The following FURIN variants were observed in gnomAD, a reference collection of about 807,000 sequenced individuals.
FURIN encodes the protein furin, paired basic amino acid cleaving enzyme.
A neutral mutation model predicts 89.2 loss-of-function variants in FURIN; 18 were observed. The ratio of observed to expected loss-of-function variants is 0.20; its 90% CI spans 0.14 to 0.30. The LOEUF is 0.30. Among genes scored for constraint, FURIN ranks in the 10% least tolerant of loss-of-function variants. FURIN has a pLI of 1.00. For synonymous variants in FURIN, 508 were observed against 466.4 expected, an observed-to-expected ratio of 1.09 and a Z score of -1.15; for missense variants, 879 against 1,100.5, an observed-to-expected ratio of 0.80 and a Z score of 2.85.
rs145582614 is a variant in FURIN at position 90,881,363 on chromosome 15, G to A, written c.1870G>A (p.Asp624Asn). The A allele has an allele frequency of 1.1e-4, 172 of 1,613,006 alleles. 1 individual carries two copies. In the African/African-American group the frequency reaches 2.0e-3, roughly 19 times the overall value. ...CPPGFAPQVL[D>N]THYSTENDVE... The stretch of plus-strand genomic sequence containing the variant: ...TCCAGGGTTCGCCCCCCAAGTCCTC[G>A]ATACGCACTATAGCACCGAGAATGA... Residue 624 changes from aspartate (D) to asparagine (N), a missense_variant, in exon 16 of 16, where the codon GAT becomes AAT. Coordinates refer to ENST00000268171, the MANE Select transcript of FURIN (RefSeq NM_002569.4). The surrounding 1 kb of genome is among the most constrained non-coding windows in gnomAD (Gnocchi z 4.3).
At chr15:90,877,742 A>G (rs1392746735) in intron 7 of FURIN, 127 bp downstream of exon 7, 4 of 706,690 alleles carry the variant, frequency 5.7e-6, no homozygotes, top group South Asian at 1.9e-5. Context: ...TGGCTGTTCC[A>G]TGGAGGGTTC....
chr15:90,883,138 T>C lies in FURIN; in HGVS notation c.*1260T>C, dbSNP rs953044393. 3.3e-5 allele frequency: 5 copies of C among 152,696 alleles called. No homozygotes were observed. The highest frequency in any genetic ancestry group is 1.2e-4 in the African/African-American group (5 of 41,440). 9.5% of individuals were successfully genotyped at this position (152,696 alleles called of 1,614,324 possible). ...TGGTGGAGAAAGCACTGACCTGTCA[T>C]GCCCCCCTCAAACCTCCTCTTCTGA... On this transcript the variant is annotated 3_prime_UTR_variant, in exon 16 of 16. Transcript: ENST00000268171.
chr15:90,878,718 C>T, intron 8 of FURIN, 46 bp from the exon 9 acceptor site: 3 of 1,176,884 alleles, frequency 2.5e-6, no homozygotes, highest in Non-Finnish European at 3.8e-6. Flanking sequence ...TGCCAGCCCT[C>T]CCTCAAGTCC....
chr15:90,880,977 G>A lies in FURIN; in HGVS notation c.1729G>A (p.Gly577Arg). The A allele has an allele frequency of 6.2e-7, 1 of 1,614,138 alleles. No individual in the cohort carries two copies. Among genetic ancestry groups the A allele is most frequent in the Non-Finnish European group, 8.5e-7 (1 of 1,180,002 alleles). Residue 577 changes from glycine (G) to arginine (R), a missense_variant, in exon 15 of 16, where the codon GGG becomes AGG. By Grantham distance (125) the Gly-to-Arg change is moderately radical. Around this residue, in one of 5 missense-constraint regions of FURIN, gnomAD observed 457 missense variants for 490.7 expected, o/e 0.93. Transcript: ENST00000268171. ...TLVLYGTAPEGLPVPPESSGC... is the reference protein window; with the variant it reads ...TLVLYGTAPERLPVPPESSGC... Reference sequence around the variant, plus strand: ...CGTACTCTATGGCACCGCCCCTGAGGGGCTGCCCGTACCTCCAGAAAGCAG... The same window carrying A: ...CGTACTCTATGGCACCGCCCCTGAGAGGCTGCCCGTACCTCCAGAAAGCAG...
Position 90,881,576 on chromosome 15 carries a change from C to T in FURIN, c.2083C>T (p.Pro695Ser), listed in dbSNP as rs1453220965. 4 of 1,610,784 alleles carry T rather than the reference C, an allele frequency of 2.5e-6. No homozygotes were observed. Among genetic ancestry groups the T allele is most frequent in the Non-Finnish European group, 3.4e-6 (4 of 1,178,420 alleles). The change falls in exon 16 of 16, where the codon CCC becomes TCC. Residue 695 changes from proline (P) to serine (S), a missense_variant. Physicochemically the swap from Pro to Ser is moderately conservative, Grantham distance 74. Transcript: ENST00000268171. This position sits in a 1 kb window ranked among gnomAD's most constrained non-coding sequence, Gnocchi z 4.3. ...GCCACAGCAGCAGCCACCTCGGCTG[C>T]CCCCGGAGGTGGAGGCGGGGCAACG... ...SPPQQQPPRLPPEVEAGQRLR... is the reference protein window; with the variant it reads ...SPPQQQPPRLSPEVEAGQRLR...
chr15:90,880,166 G>C lies in FURIN; in HGVS notation c.1449G>C (p.Arg483=), dbSNP rs769043747. 4.3e-6 allele frequency: 7 copies of C among 1,612,514 alleles called. No homozygotes were observed. In the South Asian group the frequency reaches 7.7e-5, roughly 18 times the overall value. The change falls in exon 13 of 16, where the codon CGG becomes CGC. Residue 483 remains arginine (R), a synonymous_variant. Coordinates refer to ENST00000268171, the MANE Select transcript of FURIN (RefSeq NM_002569.4). Reference sequence around the variant, plus strand: ...TGGGCGAGCCCAACCACATCACTCGGCTGGAGCACGCTCAGGCGCGGCTCA... The same window carrying C: ...TGGGCGAGCCCAACCACATCACTCGCCTGGAGCACGCTCAGGCGCGGCTCA... ...ACLGEPNHIT[R]LEHAQARLTL... is the part of the protein sequence containing the mutation.
In FURIN at chr15:90,881,403, G is replaced by A. The variant is rs752639409; in HGVS notation, c.1910G>A (p.Arg637Gln). Residue 637 changes from arginine to glutamine, a missense_variant, in exon 16 of 16, where the codon CGG (arginine) becomes CAG (glutamine). Arg to Gln is a conservative substitution (Grantham distance 43). This residue lies in a region of FURIN where 457 missense variants were observed against 490.7 expected (regional missense o/e 0.93). Transcript: ENST00000268171. This position sits in a 1 kb window ranked among gnomAD's most constrained non-coding sequence, Gnocchi z 4.3. ...ACCGAGAATGACGTGGAGACCATCCGGGCCAGCGTCTGCGCCCCCTGCCAC... is the reference window on the plus strand; with the variant it reads ...ACCGAGAATGACGTGGAGACCATCCAGGCCAGCGTCTGCGCCCCCTGCCAC... ...YSTENDVETI[R>Q]ASVCAPCHAS... 3.1e-6 allele frequency: 5 copies of A among 1,612,510 alleles called. No individual in the cohort carries two copies. In the African/African-American group the frequency reaches 4.0e-5, roughly 13 times the overall value.
chr15:90,876,369 G>A lies in FURIN; in HGVS notation c.276+16G>A. 1 of 1,573,722 alleles carries A rather than the reference G, an allele frequency of 6.4e-7. No individual in the cohort carries two copies. The highest frequency in any genetic ancestry group is 1.1e-5 in the South Asian group (1 of 90,314). On this transcript the variant is annotated intron_variant, in intron 3 of 15. Transcript: ENST00000268171. This position sits in a 1 kb window ranked among gnomAD's most constrained non-coding sequence, Gnocchi z 5.0. ...GGAGCCTCAAGTGAGTGTGGCCCCA[G>A]CCCCCTCCTGCTGCCACCCTCCCCC...
chr15:90,880,065 G>T, intron 12 of FURIN, 29 bp from the exon 13 acceptor site: 3 of 1,604,130 alleles, frequency 1.9e-6, no homozygotes, highest in African/African-American at 1.3e-5. Flanking sequence ...TCTGGGCCAG[G>T]CTGACCATCA....
chr15:90,878,367 G>C, intron 8 of FURIN, 63 bp downstream of exon 8: 1 of 1,336,024 alleles, frequency 7.5e-7, no homozygotes, highest in Non-Finnish European at 1.0e-6. Flanking sequence ...TACCTATCTT[G>C]TGTTTTTTGG....
Position 90,876,211 on chromosome 15 carries a change from C to A in FURIN, c.178-44C>A, listed in dbSNP as rs567602358. 31 of 1,346,036 alleles carry A rather than the reference C, an allele frequency of 2.3e-5. No individual in the cohort carries two copies. The East Asian group carries it at 4.8e-4, about 21-fold the overall frequency. The allele number at this position is 1,346,036 out of a possible 1,614,324, so 83.4% of individuals were successfully genotyped here. A position where few individuals can be genotyped will look rare whatever the true frequency, so the allele number is the denominator to read the frequency against. On this transcript the variant is annotated intron_variant, in intron 2 of 15. Coordinates refer to ENST00000268171, the MANE Select transcript of FURIN (RefSeq NM_002569.4). This position sits in a 1 kb window ranked among gnomAD's most constrained non-coding sequence, Gnocchi z 5.0. ...ACCCCCGTCCCCCGCCTCCCGGGGA[C>A]TGACAGATGGAAAGCCCAGCTCAGT...
In FURIN at chr15:90,881,885, C is replaced by T; in HGVS notation, c.*7C>T. On this transcript the variant is annotated 3_prime_UTR_variant, in exon 16 of 16. Coordinates refer to ENST00000268171, the MANE Select transcript of FURIN (RefSeq NM_002569.4). This position sits in a 1 kb window ranked among gnomAD's most constrained non-coding sequence, Gnocchi z 4.3. Reference sequence around the variant, plus strand: ...AGACCAGAGCGCCCTCTGATGAGCCCACTGCCCACCCCCTCAAGCCAATCC... The same window carrying T: ...AGACCAGAGCGCCCTCTGATGAGCCTACTGCCCACCCCCTCAAGCCAATCC... 2 of 1,574,076 alleles carry T rather than the reference C, an allele frequency of 1.3e-6. No homozygotes were observed. Among genetic ancestry groups the T allele is most frequent in the East Asian group, 2.2e-5 (1 of 44,446 alleles).
Position 90,875,805 on chromosome 15 carries a change from C to T in FURIN, c.65C>T (p.Ala22Val). 2 of 1,562,262 alleles carry T rather than the reference C, an allele frequency of 1.3e-6. No homozygotes were observed. The highest frequency in any genetic ancestry group is 1.7e-6 in the Non-Finnish European group (2 of 1,152,374). ...ACAGGAACCTTGGTCCTGCTAGCAG[C>T]TGATGCTCAGGGCCAGAAGGTCTTC... The part of the protein sequence containing the change: ...AATGTLVLLA[A>V]DAQGQKVFTN... The change falls in exon 2 of 16, where the codon GCT becomes GTT. Residue 22 changes from alanine (A) to valine (V), a missense_variant. Coordinates refer to ENST00000268171, the MANE Select transcript of FURIN (RefSeq NM_002569.4).
intron 7 of FURIN, 76 bp from the exon 8 acceptor site, chr15:90,878,056 G>C: frequency 6.9e-7 from 1 of 1,451,662 alleles, no homozygotes; most frequent in African/African-American, 1.4e-5. Context: ...GCAGGGCTGG[G>C]TGTGCTCCTT....
chr15:90,880,051 T>A, intron 12 of FURIN, 43 bp from the exon 13 acceptor site: 1 of 1,605,174 alleles, frequency 6.2e-7, no homozygotes, highest in South Asian at 1.1e-5. Flanking sequence ...TGCCCGCTGG[T>A]CCCTCTGGGC....
intron 1 of FURIN, among the ~76,000 whole-genome samples, chr15:90,874,870 T>G (rs1469915666): frequency 1.3e-5 from 2 of 152,204 alleles, no homozygotes; most frequent in Non-Finnish European, 2.9e-5. Context: ...TAAATATACA[T>G]GTATAAATAG....
In FURIN at chr15:90,881,593, G is replaced by A. The variant is rs747232466; in HGVS notation, c.2100G>A (p.Ala700=). 12 of 1,607,506 alleles carry A rather than the reference G, an allele frequency of 7.5e-6. No individual in the cohort carries two copies. The highest frequency in any genetic ancestry group is 5.5e-5 in the South Asian group (5 of 90,700). Residue 700 remains alanine (A), a synonymous_variant, in exon 16 of 16, where the codon GCG becomes GCA. Coordinates refer to ENST00000268171, the MANE Select transcript of FURIN (RefSeq NM_002569.4). This position sits in a 1 kb window ranked among gnomAD's most constrained non-coding sequence, Gnocchi z 4.3. ...CTCGGCTGCCCCCGGAGGTGGAGGC[G>A]GGGCAACGGCTGCGGGCAGGGCTGC... ...QPPRLPPEVE[A]GQRLRAGLLP...
chr15:90,881,085 G>A lies in FURIN; in HGVS notation c.1792+45G>A. The stretch of plus-strand genomic sequence containing the variant: ...GGGCTTTGGGGGCCTGAGTCTGGGG[G>A]TAAGGCGGGTGCCTGTCCTGAAGCC... On this transcript the variant is annotated intron_variant, in intron 15 of 15. Transcript: ENST00000268171. This position sits in a 1 kb window ranked among gnomAD's most constrained non-coding sequence, Gnocchi z 4.3. 2.1e-6 allele frequency: 3 copies of A among 1,412,658 alleles called. No homozygotes were observed. The highest frequency in any genetic ancestry group is 2.0e-6 in the Non-Finnish European group (2 of 996,530). 87.5% of individuals were successfully genotyped at this position (1,412,658 alleles called of 1,614,324 possible). A position where few individuals can be genotyped will look rare whatever the true frequency, so the allele number is the denominator to read the frequency against.
At chr15:90,870,785 G>A (rs953355852) in intron 1 of FURIN, among the ~76,000 whole-genome samples, 15 of 152,098 alleles carry the variant, frequency 9.9e-5, no homozygotes, top group Non-Finnish European at 2.2e-4. Context: ...GAGGTCTGCT[G>A]GTTGTGGGAC....
Sources: allele counts gnomAD v4.1 joint callset (sites outside exome capture counted in the v4.1 genomes callset), GRCh38; gene constraint gnomAD v4.1.1; regional missense constraint gnomAD v4.1.1; non-coding constraint Gnocchi (gnomAD v3.1); transcripts MANE v1.5; gene names NCBI Gene and HGNC (gene_info 2026-07-23, HGNC 2026-07-21).